The following WWC1 variants were observed in gnomAD, a reference collection of about 807,000 sequenced individuals.
WWC1 encodes the protein protein KIBRA.
Under a neutral mutation model 138.4 loss-of-function variants are expected in WWC1, and 55 were observed. That is an observed-to-expected ratio of 0.40 (90% confidence interval 0.32 to 0.50). The LOEUF is 0.50. WWC1 is among the 20% of genes least tolerant of loss of function. The pLI is 0.72. For missense variants in WWC1, 1,226 were observed against 1,420.4 expected, an observed-to-expected ratio of 0.86 and a Z score of 2.20; for synonymous variants, 524 against 564.9, an observed-to-expected ratio of 0.93 and a Z score of 1.03.
intron 1 of WWC1, among the ~76,000 whole-genome samples, chr5:168,293,662 T>C (rs1769269718): frequency 6.6e-6 from 1 of 152,166 alleles, no homozygotes; most frequent in Non-Finnish European, 1.5e-5. Context: ...TTTCCCTGTT[T>C]GTCAGATGGG....
At chr5:168,457,140 ATTT>A (rs34063177) in intron 19 of WWC1, among the ~76,000 whole-genome samples, 22 of 119,474 alleles carry the variant, frequency 1.8e-4, no homozygotes, top group African/African-American at 3.3e-4. Context: ...TAGAAAGGGC[ATTT>A]TTTTTTTTTT....
intron 21 of WWC1, among the ~76,000 whole-genome samples, chr5:168,466,814 C>G (rs550099962): frequency 1.3e-5 from 2 of 152,110 alleles, no homozygotes; most frequent in African/African-American, 4.8e-5. Context: ...AAAACAAGTG[C>G]CTATGTGCCC....
chr5:168,431,429 T>C lies in WWC1; in HGVS notation c.2265T>C (p.His755=), dbSNP rs3822658. 16,416 of 1,611,416 alleles carry C rather than the reference T, an allele frequency of 0.01. 255 individuals are homozygous for C. Among genetic ancestry groups the C allele is most frequent in the East Asian group, 0.058 (2,578 of 44,808 alleles). Residue 755 remains histidine, a synonymous_variant, in exon 15 of 23, where the codon CAT becomes CAC. Coordinates refer to ENST00000265293, the MANE Select transcript of WWC1 (RefSeq NM_015238.3). ...RVDVCTTDRS[H]LEECLGGAQI... Reference sequence around the variant, plus strand: ...ATGTCTGTACCACCGACAGGAGCCATCTGGAAGAGTGCCTGGTAAGGGCCG... The same window carrying C: ...ATGTCTGTACCACCGACAGGAGCCACCTGGAAGAGTGCCTGGTAAGGGCCG...
intron 1 of WWC1, among the ~76,000 whole-genome samples, chr5:168,310,337 C>G (rs1263514486): frequency 1.3e-5 from 2 of 151,516 alleles, no homozygotes; most frequent in African/African-American, 2.4e-5. Flanking sequence ...ACCTTATATT[C>G]TCTTATTCTT....
chr5:168,413,335 T>C (rs1291570644), intron 8 of WWC1, among the ~76,000 whole-genome samples: 1 of 152,218 alleles, frequency 6.6e-6, no homozygotes, highest in African/African-American at 2.4e-5. Context: ...TAGCTATTTG[T>C]AGCAGTATTC....
chr5:168,359,081 ACT>A (rs996733692), intron 1 of WWC1, among the ~76,000 whole-genome samples: 4 of 144,676 alleles, frequency 2.8e-5, no homozygotes, highest in African/African-American at 1.1e-4. Context: ...TTCGAGACAG[ACT>A]CTCACTCTGT....
At chr5:168,383,455 T>G (rs556136282) in intron 2 of WWC1, among the ~76,000 whole-genome samples, 1 of 152,304 alleles carries the variant, frequency 6.6e-6, no homozygotes, top group South Asian at 2.1e-4. Flanking sequence ...TCTTTGATCT[T>G]TATTTCACTG....
intron 5 of WWC1, among the ~76,000 whole-genome samples, chr5:168,403,006 T>TTTTCTCTCTTTCTTTC (rs1554104685): frequency 7.6e-5 from 8 of 105,608 alleles, no homozygotes; most frequent in South Asian, 6.9e-4. Context: ...TGTTGTTTCT[T>TTTTCTCTCTTTCTTTC]TTTCTTTCTT....
chr5:168,359,211 A>G (rs1430945395), intron 1 of WWC1, among the ~76,000 whole-genome samples: 4 of 151,986 alleles, frequency 2.6e-5, no homozygotes, highest in African/African-American at 9.7e-5. Flanking sequence ...ACGCGCCACC[A>G]TGTCTGGCTA....
intron 22 of WWC1, among the ~76,000 whole-genome samples, chr5:168,468,223 C>T (rs1361884264): frequency 2.6e-5 from 4 of 152,246 alleles, no homozygotes; most frequent in African/African-American, 7.2e-5. Context: ...CCACCTGCTC[C>T]AGCCTTTCCT....
At chr5:168,381,305 C>T (rs994744898) in intron 2 of WWC1, among the ~76,000 whole-genome samples, 9 of 152,100 alleles carry the variant, frequency 5.9e-5, no homozygotes, top group African/African-American at 1.7e-4. Flanking sequence ...GGAAGGTGCC[C>T]GTTCCAGATG....
At chr5:168,377,229 G>A (rs879187877) in intron 2 of WWC1, among the ~76,000 whole-genome samples, 2 of 152,174 alleles carry the variant, frequency 1.3e-5, no homozygotes, top group African/African-American at 4.8e-5. Context: ...CGAGCCATAT[G>A]CAAAAGAATA....
intron 10 of WWC1, 71 bp from the exon 11 acceptor site, chr5:168,423,462 C>T (rs1465881040): frequency 6.7e-7 from 1 of 1,498,252 alleles, no homozygotes; most frequent in Non-Finnish European, 9.0e-7. Flanking sequence ...CTTTCCAGAG[C>T]TCAGCAGAAG....
chr5:168,407,018 C>A (rs557469262), intron 6 of WWC1, among the ~76,000 whole-genome samples: 2 of 152,070 alleles, frequency 1.3e-5, no homozygotes, highest in Non-Finnish European at 2.9e-5. Context: ...TTGATAACTC[C>A]TGGGCTCAAG....
At chr5:168,448,833 A>C (rs1325744922) in intron 17 of WWC1, among the ~76,000 whole-genome samples, 1 of 151,932 alleles carries the variant, frequency 6.6e-6, no homozygotes, top group African/African-American at 2.4e-5. Flanking sequence ...GTTAGCCAGG[A>C]TGGTCTCGAT....
intron 3 of WWC1, among the ~76,000 whole-genome samples, chr5:168,395,192 G>A (rs1003326568): frequency 2.6e-5 from 4 of 152,140 alleles, no homozygotes; most frequent in Non-Finnish European, 5.9e-5. Context: ...ACTCTTCCAC[G>A]CTGCTGCCAC....
At chr5:168,329,518 G>A (rs559684537) in intron 1 of WWC1, among the ~76,000 whole-genome samples, 17 of 152,290 alleles carry the variant, frequency 1.1e-4, no homozygotes, top group African/African-American at 3.1e-4. Context: ...AGGAATGTCC[G>A]AAGCAAGTGT....
chr5:168,459,133 A>G (rs369221117), intron 19 of WWC1, among the ~76,000 whole-genome samples: 11 of 151,982 alleles, frequency 7.2e-5, no homozygotes, highest in Admixed American at 4.6e-4. Flanking sequence ...ACGTGCCTTT[A>G]GTCCCAGCTA....
chr5:168,397,634 C>T (rs1169476615), intron 3 of WWC1, 90 bp from the exon 4 acceptor site: 11 of 1,371,518 alleles, frequency 8.0e-6, no homozygotes, highest in Non-Finnish European at 1.0e-5. Context: ...TAGTCCTTCC[C>T]TTTCTAGGTT....
Sources: allele counts gnomAD v4.1 joint callset (sites outside exome capture counted in the v4.1 genomes callset), GRCh38; gene constraint gnomAD v4.1.1; transcripts MANE v1.5; gene names NCBI Gene and HGNC (gene_info 2026-07-23, HGNC 2026-07-21).